SLC44A5: variants seen among roughly 807,000 people sequenced by gnomAD.
SLC44A5 encodes choline transporter-like protein 5.
In SLC44A5, 57 loss-of-function variants were observed where a neutral mutation model predicts 101.8. That is an observed-to-expected ratio of 0.56 (90% CI 0.45 to 0.70). SLC44A5 has a LOEUF of 0.70. Ranked by LOEUF, SLC44A5 falls within the 30% of genes least tolerant of loss-of-function variation. SLC44A5 has a pLI of 0.00. For synonymous variants in SLC44A5, 281 were observed against 290.9 expected (o/e 0.97, Z 0.35); for missense variants, 737 against 853.1 (o/e 0.86, Z 1.70).
chr1:75,331,678 A>G (rs1157126353), intron 4 of SLC44A5, among the ~76,000 whole-genome samples: 1 of 152,106 alleles, frequency 6.6e-6, no homozygotes, highest in Admixed American at 6.5e-5. Context: ...CACTGTAAAC[A>G]TGCTTAGCTT....
At chr1:75,249,565 G>A (rs761466137) in intron 7 of SLC44A5, among the ~76,000 whole-genome samples, 2 of 152,096 alleles carry the variant, frequency 1.3e-5, no homozygotes, top group Admixed American at 6.6e-5. Flanking sequence ...AATCTTCTCA[G>A]AGAACGCAAT....
intron 2 of SLC44A5, among the ~76,000 whole-genome samples, chr1:75,539,490 T>C (rs959766479): frequency 1.3e-5 from 2 of 152,200 alleles, no homozygotes; most frequent in Non-Finnish European, 2.9e-5. Flanking sequence ...TGTTGTCCTA[T>C]GAGTGAATAA....
intron 6 of SLC44A5, among the ~76,000 whole-genome samples, chr1:75,268,426 G>C (rs1651186200): frequency 6.6e-6 from 1 of 152,006 alleles, no homozygotes; most frequent in South Asian, 2.1e-4. Context: ...ATCACTATTT[G>C]AAGCTATCTT....
chr1:75,411,442 C>A (rs10874264), intron 2 of SLC44A5, among the ~76,000 whole-genome samples: 1 of 151,726 alleles, frequency 6.6e-6, no homozygotes, highest in Non-Finnish European at 1.5e-5. Flanking sequence ...AGGTCAGAAG[C>A]AAAACAATAT....
chr1:75,585,311 C>T (rs1673931043), intron 1 of SLC44A5, among the ~76,000 whole-genome samples: 1 of 152,212 alleles, frequency 6.6e-6, no homozygotes, highest in Non-Finnish European at 1.5e-5. Flanking sequence ...TAAAGTCAGA[C>T]AGACTCATTA....
chr1:75,232,370 C>T (rs888703114), intron 12 of SLC44A5, among the ~76,000 whole-genome samples: 24 of 152,138 alleles, frequency 1.6e-4, no homozygotes, highest in Admixed American at 8.5e-4. Context: ...AATCACAAGC[C>T]CAGACTCTCC....
At chr1:75,258,080 A>G (rs2100675436) in intron 6 of SLC44A5, among the ~76,000 whole-genome samples, 1 of 152,116 alleles carries the variant, frequency 6.6e-6, no homozygotes, top group Admixed American at 6.5e-5. Flanking sequence ...GGCCCACTCC[A>G]CCAGGGCCCT....
intron 2 of SLC44A5, among the ~76,000 whole-genome samples, chr1:75,490,992 T>C (rs1487894533): frequency 6.6e-6 from 1 of 152,194 alleles, no homozygotes; most frequent in Non-Finnish European, 1.5e-5. Flanking sequence ...AATTTCCTTT[T>C]CTTCCTTGCT....
intron 5 of SLC44A5, among the ~76,000 whole-genome samples, chr1:75,285,440 C>A (rs1321636103): frequency 6.6e-6 from 1 of 151,750 alleles, no homozygotes; most frequent in Non-Finnish European, 1.5e-5. Context: ...CATTTTGTTT[C>A]ATTTATCATT....
chr1:75,395,796 T>A (rs1336763629), intron 3 of SLC44A5, among the ~76,000 whole-genome samples: 1 of 152,164 alleles, frequency 6.6e-6, no homozygotes, highest in Non-Finnish European at 1.5e-5. Context: ...CCGTTAATAA[T>A]AATGTATTGC....
chr1:75,680,362 G>A, the SLC44A5 span, among the ~76,000 whole-genome samples: 36 of 152,220 alleles, frequency 2.4e-4, no homozygotes, highest in South Asian at 6.8e-3. Flanking sequence ...ATACTTGGAA[G>A]TAAAGCTCTC....
At chr1:75,260,290 T>A (rs562626718) in intron 6 of SLC44A5, among the ~76,000 whole-genome samples, 77 of 152,260 alleles carry the variant, frequency 5.1e-4, no homozygotes, top group Non-Finnish European at 1.1e-3. Context: ...CCATTTCACA[T>A]GCAAAGACAC....
At chr1:75,546,787 T>G (rs1671675047) in intron 1 of SLC44A5, among the ~76,000 whole-genome samples, 2 of 152,244 alleles carry the variant, frequency 1.3e-5, no homozygotes, top group South Asian at 4.1e-4. Context: ...GTGATTATAT[T>G]AAGGGTCTTC....
intron 2 of SLC44A5, among the ~76,000 whole-genome samples, chr1:75,485,683 AT>A (rs1470533098): frequency 1.3e-5 from 2 of 152,070 alleles, no homozygotes; most frequent in Admixed American, 1.3e-4. Context: ...CCCAGTACCA[AT>A]TTTTCCATAT....
chr1:75,346,858 G>A (rs1658291783), intron 3 of SLC44A5, among the ~76,000 whole-genome samples: 1 of 151,880 alleles, frequency 6.6e-6, no homozygotes, highest in Non-Finnish European at 1.5e-5. Flanking sequence ...TCATTATCAT[G>A]CCAGGCCCTT....
At chr1:75,439,396 T>C (rs538534919) in intron 2 of SLC44A5, among the ~76,000 whole-genome samples, 2 of 152,102 alleles carry the variant, frequency 1.3e-5, no homozygotes, top group Non-Finnish European at 2.9e-5. Flanking sequence ...AAAACTTTTA[T>C]AAATTAAAAA....
rs566440021 is a variant in SLC44A5, at chr1:75,569,238, C to CTTTT, written c.-69-27726_-69-27723dup. Among the ~76,000 whole-genome samples, 18 of 112,862 alleles carry CTTTT rather than the reference C, an allele frequency of 1.6e-4. 1 individual carries two copies. Among genetic ancestry groups the CTTTT allele is most frequent in the African/African-American group, 3.0e-4 (9 of 29,966 alleles). 74.0% of individuals were successfully genotyped at this position (112,862 alleles called of 152,430 possible). On this transcript the variant is annotated intron_variant, in intron 1 of 23. Transcript: ENST00000370859. ...AGCCCAATGACACATTCATCTCTAC[C>CTTTT]TTTTTTTTTTTTTTTTTTTTGAGAC...
chr1:75,412,479 T>C (rs558350729), intron 2 of SLC44A5, among the ~76,000 whole-genome samples: 21 of 152,176 alleles, frequency 1.4e-4, no homozygotes, highest in Non-Finnish European at 3.1e-4. Flanking sequence ...AGTTACACTT[T>C]ATTAAATAAA....
intron 3 of SLC44A5, among the ~76,000 whole-genome samples, chr1:75,340,094 G>T (rs1657760386): frequency 6.6e-6 from 1 of 152,152 alleles, no homozygotes; most frequent in Non-Finnish European, 1.5e-5. Flanking sequence ...ACTAGGTACT[G>T]TTGGTCTCTA....
Sources: gnomAD v4.1 joint callset for allele counts (sites outside exome capture counted in the v4.1 genomes callset) on GRCh38, gnomAD v4.1.1 for gene constraint, MANE v1.5 for transcripts, NCBI Gene and HGNC (gene_info 2026-07-23, HGNC 2026-07-21) for gene names.